C10orf71: variants seen among roughly 807,000 people sequenced by gnomAD.
The protein encoded by C10orf71 is chromosome 10 open reading frame 71.
For missense variants in C10orf71, 1,869 were observed against 1,804.5 expected, an observed-to-expected ratio of 1.04 and a Z score of -0.65; for synonymous variants, 758 against 726.3, an observed-to-expected ratio of 1.04 and a Z score of -0.70.
chr10:49,324,750 A>G lies in C10orf71; in HGVS notation c.2205A>G (p.Gln735=). 2 of 1,561,832 alleles carry G rather than the reference A, an allele frequency of 1.3e-6. No homozygotes were observed. Among genetic ancestry groups the G allele is most frequent in the Middle Eastern group, 3.3e-4 (2 of 6,000 alleles). ...AATTCAGCACCAGCTCTTCAGATCA[A>G]TCCTTTGCCTCATTTGATGATCAGC... The part of the protein sequence containing the change: ...KAKFSTSSSD[Q]SFASFDDQQK... The change falls in exon 3 of 3, where the codon CAA becomes CAG. Residue 735 remains glutamine (Q), a synonymous_variant. Coordinates refer to ENST00000374144, the MANE Select transcript of C10orf71 (RefSeq NM_001135196.2).
chr10:49,307,074 G>A (rs1486526394), intron 1 of C10orf71, among the ~76,000 whole-genome samples: 1 of 152,250 alleles, frequency 6.6e-6, no homozygotes, highest in African/African-American at 2.4e-5. Context: ...CCCTGGGATA[G>A]GAAGACAGGG....
Position 49,326,875 on chromosome 10 carries a change from C to G in C10orf71, c.*22C>G. ...TTGAGTTACTGCAGGCTGTCCCCCA[C>G]CCCCAGATGAACCCAGAGGAGCTTA... On this transcript the variant is annotated 3_prime_UTR_variant, in exon 3 of 3. Coordinates refer to ENST00000374144, the MANE Select transcript of C10orf71 (RefSeq NM_001135196.2). 1 of 1,516,866 alleles carries G rather than the reference C, an allele frequency of 6.6e-7. No individual in the cohort carries two copies. The allele number at this position is 1,516,866 out of a possible 1,614,324, so 94.0% of individuals were successfully genotyped here.
chr10:49,312,227 G>T (rs1564685481), intron 1 of C10orf71, among the ~76,000 whole-genome samples: 1 of 152,198 alleles, frequency 6.6e-6, no homozygotes, highest in African/African-American at 2.4e-5. Context: ...TTCACAGTGG[G>T]CATGGCAGAC....
chr10:49,322,489 G>T lies in C10orf71; in HGVS notation c.-57G>T. On this transcript the variant is annotated 5_prime_UTR_variant, in exon 3 of 3. Transcript: ENST00000374144. ...AAGAGGGAAACACCTAACCTTGACA[G>T]AATCATCACCAGAGACACCTGCCGG... 1 of 1,505,410 alleles carries T rather than the reference G, an allele frequency of 6.6e-7. No individual in the cohort carries two copies. Among genetic ancestry groups the T allele is most frequent in the South Asian group, 1.4e-5 (1 of 74,066 alleles). The allele number at this position is 1,505,410 out of a possible 1,614,324, so 93.3% of individuals were successfully genotyped here.
Position 49,324,714 on chromosome 10 carries a change from AG to A in C10orf71, c.2171del (p.Gly724ValfsTer37). 1 of 1,593,800 alleles carries A rather than the reference AG, an allele frequency of 6.3e-7. No individual in the cohort carries two copies. The highest frequency in any genetic ancestry group is 8.6e-7 in the Non-Finnish European group (1 of 1,168,300). On this transcript the variant is annotated frameshift_variant, in exon 3 of 3. Transcript: ENST00000374144. LOFTEE classifies it low-confidence loss of function (END_TRUNC). ...AATCCGATTTTATGCCAAGCCTCAA[AG>A]GTAAGGCCAAATTCAGCACCAGCTC... The part of the protein sequence containing the change: ...SQSDFMPSLK[G>X]KAKFSTSSSD...
In C10orf71 at chr10:49,325,714, C is replaced by T. The variant is rs763007049; in HGVS notation, c.3169C>T (p.Pro1057Ser). 3 of 1,551,568 alleles carry T rather than the reference C, an allele frequency of 1.9e-6. No individual in the cohort carries two copies. Among genetic ancestry groups the T allele is most frequent in the Admixed American group, 2.0e-5 (1 of 50,980 alleles). Reference protein sequence around the residue: ...RLVPSERANSPNPGSPGESSA... With the variant: ...RLVPSERANSSNPGSPGESSA... ...GGTCCCCAGTGAGAGGGCGAATTCC[C>T]CCAACCCCGGCTCCCCCGGGGAGAG... The change falls in exon 3 of 3, where the codon CCC (proline) becomes TCC (serine). Residue 1057 changes from proline (P) to serine (S), a missense_variant. Physicochemically the swap from Pro to Ser is moderately conservative, Grantham distance 74. Transcript: ENST00000374144.
chr10:49,322,933 G>A lies in C10orf71; in HGVS notation c.388G>A (p.Val130Ile). ...AGTCCAGAGGAGACTGGAGGTGCCAGTTTCCGGCCTAAGGAGCAGCAATAA... is the reference window on the plus strand; with the variant it reads ...AGTCCAGAGGAGACTGGAGGTGCCAATTTCCGGCCTAAGGAGCAGCAATAA... ...TPVQRRLEVP[V>I]SGLRSSNKPV... Residue 130 changes from valine (V) to isoleucine (I), a missense_variant, in exon 3 of 3, where the codon GTT becomes ATT. Val to Ile is a conservative substitution (Grantham distance 29). Coordinates refer to ENST00000374144, the MANE Select transcript of C10orf71 (RefSeq NM_001135196.2). 1.2e-6 allele frequency: 2 copies of A among 1,613,954 alleles called. No individual in the cohort carries two copies. Among genetic ancestry groups the A allele is most frequent in the Non-Finnish European group, 1.7e-6 (2 of 1,179,864 alleles).
chr10:49,313,388 A>T (rs576495290), intron 1 of C10orf71, among the ~76,000 whole-genome samples: 1 of 152,360 alleles, frequency 6.6e-6, no homozygotes, highest in African/African-American at 2.4e-5. Flanking sequence ...AAAGCCAAGC[A>T]TGAGGGGAAA....
rs933946473 is a variant in C10orf71 at position 49,325,205 on chromosome 10, G to C, written c.2660G>C (p.Ser887Thr). 2 of 1,551,878 alleles carry C rather than the reference G, an allele frequency of 1.3e-6. No homozygotes were observed. Among genetic ancestry groups the C allele is most frequent in the Non-Finnish European group, 1.7e-6 (2 of 1,147,072 alleles). The change falls in exon 3 of 3, where the codon AGT (serine) becomes ACT (threonine). Residue 887 changes from serine (S) to threonine (T), a missense_variant. Ser to Thr is a moderately conservative substitution (Grantham distance 58, BLOSUM62 1). Transcript: ENST00000374144. The stretch of plus-strand genomic sequence containing the variant: ...ATGTCCTTGGAGGACTCCCTCAGCA[G>C]TGGCCACAAAGAGGAGGAATTGCCA... ...RTMSLEDSLS[S>T]GHKEEELPRP...
At chr10:49,299,169 C>A (rs2132389913), upstream of C10orf71, 1 of 152,302 alleles carries the variant, frequency 6.6e-6, no homozygotes, top group East Asian at 1.9e-4. Flanking sequence ...TGTTGCAGTG[C>A]GGACTGTTTG....
chr10:49,315,847 G>A (rs1486209463), intron 1 of C10orf71, among the ~76,000 whole-genome samples: 10 of 152,206 alleles, frequency 6.6e-5, no homozygotes, highest in African/African-American at 9.6e-5. Context: ...CTTGAGGTCA[G>A]GAGTTCGAGA....
At chr10:49,313,937 G>A (rs541038606) in intron 1 of C10orf71, among the ~76,000 whole-genome samples, 1 of 152,298 alleles carries the variant, frequency 6.6e-6, no homozygotes, top group South Asian at 2.1e-4. Flanking sequence ...GGGGACAATC[G>A]CCTGCGTGGT....
intron 1 of C10orf71, among the ~76,000 whole-genome samples, chr10:49,302,688 A>G (rs1159653581): frequency 6.6e-6 from 1 of 152,194 alleles, no homozygotes; most frequent in East Asian, 1.9e-4. Flanking sequence ...AGAGCTCCCA[A>G]TAGATTCTCT....
chr10:49,326,799 G>A lies in C10orf71; in HGVS notation c.4254G>A (p.Leu1418=). 6.5e-7 allele frequency: 1 copy of A among 1,549,794 alleles called. No homozygotes were observed. The change falls in exon 3 of 3, where the codon CTG becomes CTA. Residue 1418 remains leucine, a synonymous_variant. Coordinates refer to ENST00000374144, the MANE Select transcript of C10orf71 (RefSeq NM_001135196.2). ...AGGAGGGTGTAGAAGCTCCAGGCCT[G>A]GGCATCATCTCCACTGATGACCTAG... ...PGEEGVEAPG[L]GIISTDDLED...
intron 1 of C10orf71, among the ~76,000 whole-genome samples, chr10:49,306,046 A>T (rs962650593): frequency 1.1e-4 from 16 of 152,250 alleles, no homozygotes; most frequent in African/African-American, 3.4e-4. Flanking sequence ...CATGTAGAGG[A>T]GAAACCTCTG....
chr10:49,325,812 T>A lies in C10orf71; in HGVS notation c.3267T>A (p.Leu1089=). Residue 1089 remains leucine, a synonymous_variant, in exon 3 of 3, where the codon CTT becomes CTA. Coordinates refer to ENST00000374144, the MANE Select transcript of C10orf71 (RefSeq NM_001135196.2). ...SSQAPGGPEL[L]PEEPNQASPW... is the part of the protein sequence containing the mutation. ...AGGCCCCTGGAGGACCAGAGCTGCT[T>A]CCCGAGGAGCCTAATCAAGCCAGCC... The A allele has an allele frequency of 6.4e-7, 1 of 1,551,372 alleles. No individual in the cohort carries two copies. The highest frequency in any genetic ancestry group is 1.2e-5 in the South Asian group (1 of 84,038).
In C10orf71 at chr10:49,325,634, G is replaced by C. The variant is rs963959821; in HGVS notation, c.3089G>C (p.Gly1030Ala). ...PENCWEEQTP[G>A]FKSHFLSTPR... Reference sequence around the variant, plus strand: ...AACTGTTGGGAAGAGCAAACACCAGGTTTCAAGAGTCACTTTTTGTCCACA... The same window carrying C: ...AACTGTTGGGAAGAGCAAACACCAGCTTTCAAGAGTCACTTTTTGTCCACA... The change falls in exon 3 of 3, where the codon GGT becomes GCT. Residue 1030 changes from glycine (G) to alanine (A), a missense_variant. Gly to Ala is a moderately conservative substitution (Grantham distance 60). Coordinates refer to ENST00000374144, the MANE Select transcript of C10orf71 (RefSeq NM_001135196.2). The C allele has an allele frequency of 6.4e-7, 1 of 1,552,132 alleles. No homozygotes were observed. Among genetic ancestry groups the C allele is most frequent in the Non-Finnish European group, 8.7e-7 (1 of 1,147,094 alleles).
At chr10:49,312,554 G>A (rs1426564305) in intron 1 of C10orf71, among the ~76,000 whole-genome samples, 1 of 152,214 alleles carries the variant, frequency 6.6e-6, no homozygotes, top group East Asian at 1.9e-4. Context: ...AAGTTTGCTG[G>A]ACGCTGGCCC....
intron 1 of C10orf71, among the ~76,000 whole-genome samples, chr10:49,312,373 G>T (rs1848929845): frequency 1.3e-5 from 2 of 152,232 alleles, no homozygotes; most frequent in African/African-American, 4.8e-5. Context: ...GGTCAGTGGA[G>T]GAAGTGCTGG....
Sources: gnomAD v4.1 joint callset for allele counts (sites outside exome capture counted in the v4.1 genomes callset) on GRCh38, gnomAD v4.1.1 for gene constraint, MANE v1.5 for transcripts, NCBI Gene and HGNC (gene_info 2026-07-23, HGNC 2026-07-21) for gene names.